DNM3: variants seen among roughly 807,000 people sequenced by gnomAD.
The protein encoded by DNM3 is dynamin 3, also known as dynamin-3.
DNM3 carries 47 observed loss-of-function variants against 101.6 expected under a neutral mutation model. The observed-to-expected ratio is 0.46, with a 90% CI of 0.37 to 0.59. DNM3 has a LOEUF of 0.59. Ranked by LOEUF, DNM3 falls within the 20% of genes least tolerant of loss-of-function variation. DNM3 has a pLI of 0.00. For synonymous variants in DNM3, 385 were observed against 387.9 expected (o/e 0.99, Z 0.09); for missense variants, 849 against 1,085.7 (o/e 0.78, Z 3.06).
intron 2 of DNM3, among the ~76,000 whole-genome samples, chr1:171,983,969 C>T (rs2045037755): frequency 2.0e-5 from 3 of 152,158 alleles, no homozygotes; most frequent in Admixed American, 6.5e-5. Context: ...CATCCTCTTC[C>T]CTTCAGTCTT....
intron 4 of DNM3, among the ~76,000 whole-genome samples, chr1:172,002,111 A>G (rs1449537593): frequency 6.6e-6 from 1 of 152,072 alleles, no homozygotes; most frequent in Non-Finnish European, 1.5e-5. Context: ...CTTCACCCCA[A>G]TTAGATTTCC....
intron 10 of DNM3, 31 bp downstream of exon 10, chr1:172,048,781 G>A (rs191841060): frequency 2.5e-4 from 407 of 1,603,684 alleles, no homozygotes; most frequent in Middle Eastern, 3.3e-4. Flanking sequence ...TTTCCAGTAC[G>A]TGGCTTTGGT....
At position 171,882,393 on chromosome 1, in the gene DNM3, C is replaced by T. The variant is rs558161217; in HGVS notation, c.162-39355C>T. ...CATAACAACTATGAATGCTTTGCCA[C>T]ATTTGCTTTATCTCGTTTTGTCTCT... On this transcript the variant is annotated intron_variant, in intron 1 of 20. Coordinates refer to ENST00000627582, the MANE Select transcript of DNM3 (RefSeq NM_015569.5). 1.1e-4 allele frequency among the ~76,000 whole-genome samples: 16 copies of T among 147,018 alleles called. No homozygotes were observed. In the South Asian group the frequency reaches 2.6e-3, roughly 24 times the overall value.
intron 16 of DNM3, among the ~76,000 whole-genome samples, chr1:172,323,113 A>G (rs2065792797): frequency 6.6e-6 from 1 of 152,108 alleles, no homozygotes; most frequent in South Asian, 2.1e-4. Flanking sequence ...ACCTATGTGG[A>G]TTCTTTGACT....
At chr1:172,062,853 A>C (rs747566488) in intron 10 of DNM3, among the ~76,000 whole-genome samples, 2 of 152,138 alleles carry the variant, frequency 1.3e-5, no homozygotes, top group Non-Finnish European at 2.9e-5. Flanking sequence ...TGTTTAAAAA[A>C]TTTTTTTCAT....
chr1:171,880,839 G>C (rs2036205180), intron 1 of DNM3, among the ~76,000 whole-genome samples: 1 of 151,962 alleles, frequency 6.6e-6, no homozygotes, highest in Non-Finnish European at 1.5e-5. Context: ...ATTCCAAAAA[G>C]TTCTTCTGTG....
intron 14 of DNM3, among the ~76,000 whole-genome samples, chr1:172,148,129 C>T (rs912884429): frequency 6.6e-6 from 1 of 151,968 alleles, no homozygotes; most frequent in African/African-American, 2.4e-5. Context: ...GTTCCCCTAC[C>T]GAATTCTTAT....
intron 14 of DNM3, among the ~76,000 whole-genome samples, chr1:172,196,668 C>CT (rs1378294031): frequency 6.6e-6 from 1 of 151,852 alleles, no homozygotes; most frequent in African/African-American, 2.4e-5. Context: ...TGATATTCAC[C>CT]TTTTTTTATA....
At chr1:172,287,805 G>GCA (rs3078985) in intron 15 of DNM3, among the ~76,000 whole-genome samples, 5,374 of 144,090 alleles carry the variant, frequency 0.037, 197 homozygotes, top group African/African-American at 0.099. Flanking sequence ...ATATACACAT[G>GCA]CACACACACA....
intron 14 of DNM3, chr1:172,137,708 G>A (rs2148127494): frequency 6.6e-6 from 1 of 152,200 alleles, no homozygotes; most frequent in Admixed American, 6.5e-5. Flanking sequence ...CAGAATCTAA[G>A]AAAGATGAAA....
At chr1:172,056,058 T>A (rs1558495263) in intron 10 of DNM3, among the ~76,000 whole-genome samples, 2 of 152,286 alleles carry the variant, frequency 1.3e-5, no homozygotes, top group South Asian at 4.2e-4. Context: ...GAGTTCCCTT[T>A]CCTAGTCAAA....
At chr1:171,964,881 C>T (rs1270849542) in intron 2 of DNM3, among the ~76,000 whole-genome samples, 18 of 151,072 alleles carry the variant, frequency 1.2e-4, no homozygotes, top group Non-Finnish European at 2.1e-4. Context: ...TTTTTTTTCT[C>T]CCAACTGATG....
chr1:171,987,917 CT>C (rs2045377095), intron 3 of DNM3, 112 bp downstream of exon 3: 2 of 1,012,106 alleles, frequency 2.0e-6, no homozygotes, highest in Non-Finnish European at 2.7e-6. Context: ...CTAGGGTATC[CT>C]TTGGATACTG....
chr1:172,298,177 T>C (rs2064257117), intron 15 of DNM3, among the ~76,000 whole-genome samples: 1 of 152,218 alleles, frequency 6.6e-6, no homozygotes. Context: ...TTTTCTTCTG[T>C]CTTCTGCTTT....
intron 13 of DNM3, among the ~76,000 whole-genome samples, chr1:172,116,351 C>T (rs1020774396): frequency 2.0e-5 from 3 of 152,218 alleles, no homozygotes; most frequent in Non-Finnish European, 4.4e-5. Flanking sequence ...TCTTTGCTTC[C>T]CTTGTTCACT....
chr1:172,388,461 C>A, intron 19 of DNM3, 112 bp from the exon 20 acceptor site: 1 of 941,672 alleles, frequency 1.1e-6, no homozygotes, highest in Non-Finnish European at 1.6e-6. Flanking sequence ...ATGAATTGGA[C>A]TTATTCAGTC....
intron 13 of DNM3, among the ~76,000 whole-genome samples, chr1:172,110,342 C>T (rs2055375151): frequency 6.6e-6 from 1 of 152,216 alleles, no homozygotes; most frequent in Non-Finnish European, 1.5e-5. Context: ...ACATACTCCT[C>T]TCACCACAGT....
intron 15 of DNM3, 24 bp from the exon 16 acceptor site, chr1:172,308,703 TG>T: frequency 3.7e-6 from 5 of 1,350,528 alleles, no homozygotes; most frequent in African/African-American, 1.5e-5. Flanking sequence ...ACTAAAAGCA[TG>T]ATTTTTTTTT....
At chr1:172,087,588 A>G (rs1159245271) in intron 12 of DNM3, among the ~76,000 whole-genome samples, 1 of 152,104 alleles carries the variant, frequency 6.6e-6, no homozygotes, top group Non-Finnish European at 1.5e-5. Flanking sequence ...TCCCAGTCCT[A>G]TTCTTTGCTC....
Sources: allele counts gnomAD v4.1 joint callset (sites outside exome capture counted in the v4.1 genomes callset), GRCh38; gene constraint gnomAD v4.1.1; transcripts MANE v1.5; gene names NCBI Gene and HGNC (gene_info 2026-07-23, HGNC 2026-07-21).